The following SCARB1 variants were observed in gnomAD, a reference collection of about 807,000 sequenced individuals.
The protein encoded by SCARB1 is scavenger receptor class B member 1, also known as CD36 and LIMPII analogous 1.
Under a neutral mutation model 57.2 loss-of-function variants are expected in SCARB1, and 30 were observed. The observed-to-expected ratio is 0.52, with a 90% CI of 0.39 to 0.71. SCARB1 has a LOEUF of 0.71. SCARB1 is among the 30% of genes least tolerant of loss of function. The pLI, the probability that SCARB1 is intolerant of heterozygous loss-of-function variation, is 0.00. For missense variants in SCARB1, 543 were observed against 671.2 expected (o/e 0.81, Z 2.11); for synonymous variants, 249 against 268.3 (o/e 0.93, Z 0.70).
At chr12:124,831,438 CA>C (rs924237805) in intron 1 of SCARB1, among the ~76,000 whole-genome samples, 3 of 152,088 alleles carry the variant, frequency 2.0e-5, no homozygotes, top group African/African-American at 7.2e-5. Flanking sequence ...ATTATTGATC[CA>C]GGGTTGGGTA....
Position 124,810,354 on chromosome 12 carries a change from G to A in SCARB1, c.727-65C>T. On this transcript the variant is annotated intron_variant, in intron 5 of 12. Transcript: ENST00000261693. This position sits in a 1 kb window ranked among gnomAD's most constrained non-coding sequence, Gnocchi z 4.0. ...AAGGCCCCTTAATAAGCCCTCTCAG[G>A]TGCTGCACACCTAACTCACCCTGGT... 2.6e-6 allele frequency: 3 copies of A among 1,135,042 alleles called. No individual in the cohort carries two copies. In the Admixed American group the frequency reaches 5.2e-5, roughly 20 times the overall value. The allele number at this position is 1,135,042 out of a possible 1,614,324, so 70.3% of individuals were successfully genotyped here. A position where few individuals can be genotyped will look rare whatever the true frequency, so the allele number is the denominator to read the frequency against.
chr12:124,830,723 G>A (rs1434171916), intron 1 of SCARB1, among the ~76,000 whole-genome samples: 3 of 152,148 alleles, frequency 2.0e-5, no homozygotes, highest in Admixed American at 6.5e-5. Flanking sequence ...GCATACCTAG[G>A]TGAAAATCCA....
chr12:124,803,548 C>T (rs1414533364), intron 7 of SCARB1, among the ~76,000 whole-genome samples: 1 of 151,806 alleles, frequency 6.6e-6, no homozygotes, highest in Non-Finnish European at 1.5e-5. Context: ...CCAGCCTGGG[C>T]GACAGTGATA....
chr12:124,814,856 G>T lies in SCARB1; in HGVS notation c.426+117C>A. On this transcript the variant is annotated intron_variant, in intron 3 of 12. Transcript: ENST00000261693. This position sits in a 1 kb window ranked among gnomAD's most constrained non-coding sequence, Gnocchi z 4.7. ...CAGGGCCGAAAGCCACCCACCAGGC[G>T]TGAGTCCCCACGCTCCGACCACCTC... The T allele has an allele frequency of 5.2e-6, 7 of 1,349,584 alleles. No individual in the cohort carries two copies. Among genetic ancestry groups the T allele is most frequent in the Non-Finnish European group, 6.2e-6 (6 of 965,236 alleles). The allele number at this position is 1,349,584 out of a possible 1,614,324, so 83.6% of individuals were successfully genotyped here.
chr12:124,842,826 G>A lies in SCARB1; in HGVS notation c.126+20769C>T, dbSNP rs567563978. 5.3e-5 allele frequency among the ~76,000 whole-genome samples: 8 copies of A among 152,328 alleles called. No homozygotes were observed. The South Asian group carries it at 1.7e-3, about 32-fold the overall frequency. On this transcript the variant is annotated intron_variant, in intron 1 of 12. Transcript: ENST00000261693. The stretch of plus-strand genomic sequence containing the variant: ...TTTGCAAAGCCTGCTGGGAGACAGA[G>A]GCCCAGGGCTCGGATGAGGATGGGT...
chr12:124,782,649 G>C lies in SCARB1; in HGVS notation c.*34C>G, dbSNP rs562063439. 7.5e-6 allele frequency: 12 copies of C among 1,609,996 alleles called. No homozygotes were observed. In the South Asian group the frequency reaches 1.3e-4, roughly 18 times the overall value. On this transcript the variant is annotated intron_variant, in intron 12 of 12. Transcript: ENST00000261693. The stretch of plus-strand genomic sequence containing the variant: ...CAGCATTCTACTTGATATGGGAGGG[G>C]GCGGGGAGGCGCACGGCATTACCTG...
intron 1 of SCARB1, among the ~76,000 whole-genome samples, chr12:124,863,020 C>T (rs1024643799): frequency 2.0e-5 from 3 of 152,212 alleles, no homozygotes; most frequent in Non-Finnish European, 4.4e-5. Flanking sequence ...AACAGAGTCG[C>T]GCATTCTGCC....
At chr12:124,783,072 G>T (rs1003239087) in intron 11 of SCARB1, 16 of 460,884 alleles carry the variant, frequency 3.5e-5, no homozygotes, top group Non-Finnish European at 4.0e-6. Context: ...ATTTAAGCCA[G>T]CGAGGAAGCA....
At chr12:124,801,154 G>A (rs573882888) in intron 7 of SCARB1, among the ~76,000 whole-genome samples, 51 of 152,284 alleles carry the variant, frequency 3.3e-4, no homozygotes, top group South Asian at 4.2e-4. Context: ...AGCCGTGACC[G>A]TGCCACTGCA....
intron 10 of SCARB1, among the ~76,000 whole-genome samples, 173 bp downstream of exon 10, chr12:124,787,233 G>A (rs1326508121): frequency 1.3e-5 from 2 of 152,172 alleles, no homozygotes; most frequent in African/African-American, 2.4e-5. Context: ...TGGGATAACT[G>A]ACATAGGGTG....
Position 124,792,721 on chromosome 12 carries a change from CAAAAAAAAAAAAAA to C in SCARB1, c.1202+2460_1202+2473del, listed in dbSNP as rs930596389. On this transcript the variant is annotated intron_variant, in intron 9 of 12. Coordinates refer to ENST00000261693, the MANE Select transcript of SCARB1 (RefSeq NM_005505.5). ...TGGGTGACACGGCAAGACTTCGTCT[CAAAAAAAAAAAAAA>C]AAAAAAAAAAAGAATGTGAATTACC... Among the ~76,000 whole-genome samples the C allele has an allele frequency of 2.2e-4, 7 of 31,738 alleles. No homozygotes were observed. In the South Asian group the frequency reaches 6.8e-3, roughly 31 times the overall value. 20.8% of individuals were successfully genotyped at this position (31,738 alleles called of 152,430 possible).
At chr12:124,809,253 G>A (rs1481652740) in intron 6 of SCARB1, among the ~76,000 whole-genome samples, 2 of 152,058 alleles carry the variant, frequency 1.3e-5, no homozygotes, top group Non-Finnish European at 1.5e-5. Context: ...GGGGCCACTT[G>A]TATTTCTCAT....
chr12:124,835,621 C>T (rs1252251108), intron 1 of SCARB1, among the ~76,000 whole-genome samples: 5 of 151,276 alleles, frequency 3.3e-5, no homozygotes, highest in East Asian at 2.0e-4. Context: ...TCTTATACAC[C>T]GCATCCTCCC....
At chr12:124,850,387 ATAGGCCGGGCT>A (rs901168213) in intron 1 of SCARB1, among the ~76,000 whole-genome samples, 13 of 150,912 alleles carry the variant, frequency 8.6e-5, no homozygotes, top group Non-Finnish European at 1.8e-4. Flanking sequence ...AAATAAATAA[ATAGGCCGGGCT>A]TCGTGGCTCA....
At chr12:124,790,745 G>A (rs936445188) in intron 9 of SCARB1, among the ~76,000 whole-genome samples, 1 of 152,168 alleles carries the variant, frequency 6.6e-6, no homozygotes, top group Non-Finnish European at 1.5e-5. Flanking sequence ...GCAGTGTGGC[G>A]AGGTGGTTAA....
chr12:124,862,609 A>G (rs141868089), intron 1 of SCARB1: 14 of 152,368 alleles, frequency 9.2e-5, no homozygotes, highest in African/African-American at 3.1e-4. Context: ...CAATGTCCAC[A>G]TCTTCACCCC....
At chr12:124,815,777 A>G (rs1226915337) in intron 2 of SCARB1, among the ~76,000 whole-genome samples, 1 of 152,192 alleles carries the variant, frequency 6.6e-6, no homozygotes, top group Non-Finnish European at 1.5e-5. Context: ...GAGGCAGGAG[A>G]ATCGCTTGAA....
At chr12:124,804,162 C>T (rs566783080) in intron 7 of SCARB1, among the ~76,000 whole-genome samples, 20 of 152,300 alleles carry the variant, frequency 1.3e-4, no homozygotes, top group African/African-American at 4.3e-4. Flanking sequence ...GCATAGTCCA[C>T]CTCGGCTACT....
chr12:124,810,987 T>C lies in SCARB1; in HGVS notation c.727-698A>G, dbSNP rs916548652. Among the ~76,000 whole-genome samples, 6 of 151,562 alleles carry C rather than the reference T, an allele frequency of 4.0e-5. No homozygotes were observed. The highest frequency in any genetic ancestry group is 1.5e-4 in the African/African-American group (6 of 41,190). Reference sequence around the variant, plus strand: ...TCTTTGCAGTAACTACCACGGGGAGTGGGGAGTGGGAAGTCACACAGTCAT... The same window carrying C: ...TCTTTGCAGTAACTACCACGGGGAGCGGGGAGTGGGAAGTCACACAGTCAT... On this transcript the variant is annotated intron_variant, in intron 5 of 12. Transcript: ENST00000261693. The surrounding 1 kb of genome is among the most constrained non-coding windows in gnomAD (Gnocchi z 4.0).
Sources: allele counts gnomAD v4.1 joint callset (sites outside exome capture counted in the v4.1 genomes callset), GRCh38; gene constraint gnomAD v4.1.1; non-coding constraint Gnocchi (gnomAD v3.1); transcripts MANE v1.5; gene names NCBI Gene and HGNC (gene_info 2026-07-23, HGNC 2026-07-21).